FBXW7: variants seen among roughly 807,000 people sequenced by gnomAD.
FBXW7 encodes the protein F-box and WD repeat domain containing 7.
Under a neutral mutation model 86.3 loss-of-function variants are expected in FBXW7, and 11 were observed. That is an observed-to-expected ratio of 0.13 (90% CI 0.08 to 0.21). FBXW7 has a LOEUF of 0.21. FBXW7 is among the 10% of genes least tolerant of loss of function. The probability of loss-of-function intolerance (pLI) is 1.00; values close to 1 mark genes in which losing one functional copy is unlikely to be tolerated. For missense variants in FBXW7, 488 were observed against 847.4 expected, an observed-to-expected ratio of 0.58 and a Z score of 5.27; for synonymous variants, 313 against 297.9, an observed-to-expected ratio of 1.05 and a Z score of -0.52.
rs1381320045 is a variant in FBXW7, at chr4:152,330,766, G to A, written c.1088C>T (p.Thr363Ile). The A allele has an allele frequency of 6.2e-7, 1 of 1,612,480 alleles. No homozygotes were observed. Among genetic ancestry groups the A allele is most frequent in the South Asian group, 1.1e-5 (1 of 91,002 alleles). ...TTTGAGTTCTCCTCGCCTCCAGTTAGTATCAATTCTGTGCTGTCTGATGTA... is the reference window on the plus strand; with the variant it reads ...TTTGAGTTCTCCTCGCCTCCAGTTAATATCAATTCTGTGCTGTCTGATGTA... ...SAYIRQHRIDTNWRRGELKSP... is the reference protein window; with the variant it reads ...SAYIRQHRIDINWRRGELKSP... The change falls in exon 9 of 14, where the codon ACT becomes ATT. Residue 363 changes from threonine to isoleucine, a missense_variant. Around this residue, in one of 4 missense-constraint regions of FBXW7, gnomAD observed 57 missense variants for 62.8 expected, o/e 0.91. Transcript: ENST00000281708.
At chr4:152,481,059 G>C (rs1233749188) in intron 2 of FBXW7, among the ~76,000 whole-genome samples, 2 of 152,176 alleles carry the variant, frequency 1.3e-5, no homozygotes, top group African/African-American at 4.8e-5. Context: ...TACTTTCCTA[G>C]CTAGAAACGA....
chr4:152,524,531 A>G (rs1344780554), intron 2 of FBXW7, among the ~76,000 whole-genome samples: 1 of 152,194 alleles, frequency 6.6e-6, no homozygotes, highest in East Asian at 1.9e-4. Flanking sequence ...ATGAATAAAA[A>G]CCAATAATCT....
At chr4:152,454,418 A>G (rs1157675611) in intron 2 of FBXW7, among the ~76,000 whole-genome samples, 1 of 152,094 alleles carries the variant, frequency 6.6e-6, no homozygotes, top group Admixed American at 6.5e-5. Context: ...TCTTTTGCCT[A>G]CAAATAACTT....
At chr4:152,492,175 G>T (rs1164967448) in intron 2 of FBXW7, among the ~76,000 whole-genome samples, 1 of 152,084 alleles carries the variant, frequency 6.6e-6, no homozygotes, top group Non-Finnish European at 1.5e-5. Flanking sequence ...CCTTTGCCAA[G>T]TATGTCAGAT....
Position 152,453,118 on chromosome 4 carries a change from A to G in FBXW7, c.-119-40589T>C, listed in dbSNP as rs375780754. 4.4e-4 allele frequency among the ~76,000 whole-genome samples: 67 copies of G among 152,338 alleles called. 2 individuals are homozygous for G. The East Asian group carries it at 0.012, about 28-fold the overall frequency. On this transcript the variant is annotated intron_variant, in intron 2 of 13. Coordinates refer to ENST00000281708, the MANE Select transcript of FBXW7 (RefSeq NM_001349798.2). ...AGAATCACTTGAACCTGGGAGGCGGAGGTTGCAGTGAGCCAAGATCGCACC... is the reference window on the plus strand; with the variant it reads ...AGAATCACTTGAACCTGGGAGGCGGGGGTTGCAGTGAGCCAAGATCGCACC...
intron 2 of FBXW7, among the ~76,000 whole-genome samples, chr4:152,503,215 A>G (rs1747111578): frequency 6.6e-6 from 1 of 152,212 alleles, no homozygotes; most frequent in Non-Finnish European, 1.5e-5. Context: ...TCAAAATGTG[A>G]AAAATTACTA....
chr4:152,420,776 T>A (rs1738871332), intron 2 of FBXW7, among the ~76,000 whole-genome samples: 1 of 151,996 alleles, frequency 6.6e-6, no homozygotes, highest in African/African-American at 2.4e-5. Context: ...GCTTAACATA[T>A]CTAGCAAACT....
chr4:152,337,897 G>A lies in FBXW7; in HGVS notation c.766C>T (p.Leu256Phe), dbSNP rs2126585071. The A allele has an allele frequency of 6.2e-7, 1 of 1,612,588 alleles. No individual in the cohort carries two copies. The highest frequency in any genetic ancestry group is 8.5e-7 in the Non-Finnish European group (1 of 1,179,222). ...GPEKLLALDE[L>F]IDSCEPTQVK... Reference sequence around the variant, plus strand: ...TGTGTTGGTTCACAACTATCAATGAGTTCATCTAAAGCAAGCAATTTCTCT... The same window carrying A: ...TGTGTTGGTTCACAACTATCAATGAATTCATCTAAAGCAAGCAATTTCTCT... Residue 256 changes from leucine (L) to phenylalanine (F), a missense_variant, in exon 7 of 14, where the codon CTC becomes TTC. Physicochemically the swap from Leu to Phe is conservative, Grantham distance 22. Transcript: ENST00000281708.
At chr4:152,531,415 G>A (rs992743266) in intron 2 of FBXW7, among the ~76,000 whole-genome samples, 14 of 152,088 alleles carry the variant, frequency 9.2e-5, no homozygotes, top group African/African-American at 3.1e-4. Flanking sequence ...TACTAGGAAG[G>A]TGCAGAATTC....
Position 152,343,824 on chromosome 4 carries a change from T to C in FBXW7, c.726+3106A>G, listed in dbSNP as rs1428067333. On this transcript the variant is annotated intron_variant, in intron 6 of 13. Coordinates refer to ENST00000281708, the MANE Select transcript of FBXW7 (RefSeq NM_001349798.2). ...AAATTCAAATGGTATAAACTTTCTA[T>C]TTTTTTTTTTGGTTTTTGTCTTTAA... 2.1e-5 allele frequency among the ~76,000 whole-genome samples: 3 copies of C among 140,828 alleles called. No homozygotes were observed. In the Admixed American group the frequency reaches 2.2e-4, roughly 10 times the overall value. 92.4% of individuals were successfully genotyped at this position (140,828 alleles called of 152,430 possible). A position where few individuals can be genotyped will look rare whatever the true frequency, so the allele number is the denominator to read the frequency against.
Position 152,332,711 on chromosome 4 carries a change from G to A in FBXW7, c.870C>T (p.Leu290=), listed in dbSNP as rs779420495. The A allele has an allele frequency of 6.3e-7, 1 of 1,579,152 alleles. No individual in the cohort carries two copies. Among genetic ancestry groups the A allele is most frequent in the Non-Finnish European group, 8.6e-7 (1 of 1,158,650 alleles). ...FISLLPKELA[L]YVLSFLEPKD... is the part of the protein sequence containing the mutation. Reference sequence around the variant, plus strand: ...TGGGTTCCAGGAATGAAAGCACATAGAGTGCCAACTAAGAAAAAAATGCAT... The same window carrying A: ...TGGGTTCCAGGAATGAAAGCACATAAAGTGCCAACTAAGAAAAAAATGCAT... Residue 290 remains leucine, a synonymous_variant, in exon 8 of 14, where the codon CTC becomes CTT. Coordinates refer to ENST00000281708, the MANE Select transcript of FBXW7 (RefSeq NM_001349798.2).
intron 4 of FBXW7, among the ~76,000 whole-genome samples, chr4:152,402,443 G>C (rs1737030697): frequency 6.6e-6 from 1 of 152,064 alleles, no homozygotes; most frequent in South Asian, 2.1e-4. Flanking sequence ...CAACATTTGG[G>C]GACATGAAAA....
At chr4:152,440,132 T>C (rs904858671) in intron 2 of FBXW7, among the ~76,000 whole-genome samples, 5 of 152,176 alleles carry the variant, frequency 3.3e-5, no homozygotes, top group African/African-American at 7.2e-5. Context: ...ATAGCATAGG[T>C]AGAATATGTG....
At chr4:152,479,746 G>T (rs1010248773) in intron 2 of FBXW7, among the ~76,000 whole-genome samples, 2 of 152,124 alleles carry the variant, frequency 1.3e-5, no homozygotes, top group Non-Finnish European at 2.9e-5. Flanking sequence ...CCCATTATAA[G>T]TGTGACCACT....
intron 4 of FBXW7, among the ~76,000 whole-genome samples, chr4:152,384,287 C>CAATG (rs1385761812): frequency 6.6e-6 from 1 of 151,960 alleles, no homozygotes; most frequent in East Asian, 1.9e-4. Context: ...ACTCAAGTCT[C>CAATG]AATGAATGAA....
At chr4:152,360,622 G>A in intron 4 of FBXW7, among the ~76,000 whole-genome samples, 1 of 151,894 alleles carries the variant, frequency 6.6e-6, no homozygotes, top group African/African-American at 2.4e-5. Context: ...CTAAAGAACA[G>A]ACTTCACTAT....
At chr4:152,367,840 T>C (rs1191061577) in intron 4 of FBXW7, among the ~76,000 whole-genome samples, 1 of 152,072 alleles carries the variant, frequency 6.6e-6, no homozygotes, top group Non-Finnish European at 1.5e-5. Flanking sequence ...TATTTAAGAC[T>C]ACGACAACAC....
rs1341325204 is a variant in FBXW7 at position 152,326,240 on chromosome 4, G to A, written c.1419-9C>T. The A allele has an allele frequency of 1.9e-6, 3 of 1,598,642 alleles. No homozygotes were observed. Among genetic ancestry groups the A allele is most frequent in the Admixed American group, 1.7e-5 (1 of 58,460 alleles). On this transcript the variant is annotated splice_polypyrimidine_tract_variant and intron_variant, in intron 11 of 13. Transcript: ENST00000281708. The stretch of plus-strand genomic sequence containing the variant: ...GAGAACCGCTAACAACTCTGCAGAG[G>A]GAGAAACAGAAAAACAAAACAAAAC...
intron 4 of FBXW7, among the ~76,000 whole-genome samples, chr4:152,388,002 C>G (rs1735687675): frequency 2.0e-5 from 3 of 152,088 alleles, no homozygotes; most frequent in Admixed American, 2.0e-4. Flanking sequence ...GCCACAGCGC[C>G]TGGTCAGGAT....
Sources: allele counts gnomAD v4.1 joint callset (sites outside exome capture counted in the v4.1 genomes callset), GRCh38; gene constraint gnomAD v4.1.1; regional missense constraint gnomAD v4.1.1; transcripts MANE v1.5; gene names NCBI Gene and HGNC (gene_info 2026-07-23, HGNC 2026-07-21).